PLIN2: variants seen among roughly 807,000 people sequenced by gnomAD.
The protein encoded by PLIN2 is perilipin 2, also known as perilipin-2.
A neutral mutation model predicts 30.6 loss-of-function variants in PLIN2; 33 were observed. That is an observed-to-expected ratio of 1.08 (90% CI 0.82 to 1.44). PLIN2 has a LOEUF of 1.44. PLIN2 is among the 40% of genes most tolerant of loss of function. PLIN2 has a pLI of 0.00. For missense variants in PLIN2, 610 were observed against 531.8 expected, an observed-to-expected ratio of 1.15 and a Z score of -1.45; for synonymous variants, 205 against 201.1, an observed-to-expected ratio of 1.02 and a Z score of -0.16.
intron 5 of PLIN2, 85 bp downstream of exon 5, chr9:19,120,795 A>T: frequency 1.8e-6 from 2 of 1,086,556 alleles, no homozygotes; most frequent in Non-Finnish European, 2.8e-6. Flanking sequence ...GTGTAAATTT[A>T]GACTCAAGAT....
At chr9:19,123,259 T>C (rs1818346398) in intron 4 of PLIN2, 2 of 1,159,470 alleles carry the variant, frequency 1.7e-6, no homozygotes, top group Non-Finnish European at 2.4e-6. Context: ...TCTGCATTTA[T>C]TTAATACCAC....
In PLIN2 at chr9:19,126,428, T is replaced by A. The variant is rs778385615; in HGVS notation, c.-2A>T. 26 of 1,611,836 alleles carry A rather than the reference T, an allele frequency of 1.6e-5. No homozygotes were observed. In the African/African-American group the frequency reaches 2.9e-4, roughly 18 times the overall value. ...TGGATCAACTGCAACGGATGCCATT[T>A]TTCTTCCTGGAGAAAGAAATCTGCA... On this transcript the variant is annotated 5_prime_UTR_variant, in exon 2 of 8. Coordinates refer to ENST00000276914, the MANE Select transcript of PLIN2 (RefSeq NM_001122.4).
chr9:19,118,567 T>G, intron 6 of PLIN2, 112 bp from the exon 7 acceptor site: 2 of 884,216 alleles, frequency 2.3e-6, no homozygotes, highest in Non-Finnish European at 3.4e-6. Context: ...TTTCCTGGAG[T>G]TGAATAAGAT....
intron 5 of PLIN2, among the ~76,000 whole-genome samples, chr9:19,120,661 A>G (rs918629931): frequency 1.2e-4 from 19 of 152,130 alleles, no homozygotes; most frequent in African/African-American, 4.3e-4. Flanking sequence ...CCTGGGCAAC[A>G]TAGTGAGATC....
At chr9:19,118,251 A>C (rs1588643511) in intron 7 of PLIN2, 70 bp downstream of exon 7, 2 of 1,425,816 alleles carry the variant, frequency 1.4e-6, no homozygotes, top group East Asian at 4.7e-5. Context: ...CATAGTATGG[A>C]AAAATTGAAA....
chr9:19,119,747 A>C lies in PLIN2; in HGVS notation c.680T>G (p.Leu227Arg). 1.2e-6 allele frequency: 2 copies of C among 1,612,450 alleles called. No individual in the cohort carries two copies. Among genetic ancestry groups the C allele is most frequent in the Non-Finnish European group, 1.7e-6 (2 of 1,178,714 alleles). ...YVRLGSLSTK[L>R]HSRAYQQALS... ...AGCCTGCTGGTAGGCACGGGAGTGA[A>C]GCTTGGTAGACAGGGATCCCAGTCT... Residue 227 changes from leucine (L) to arginine (R), a missense_variant, in exon 6 of 8, where the codon CTT (leucine) becomes CGT (arginine). Coordinates refer to ENST00000276914, the MANE Select transcript of PLIN2 (RefSeq NM_001122.4).
downstream of PLIN2, among the ~76,000 whole-genome samples, chr9:19,115,526 C>G (rs538912385): frequency 1.4e-4 from 22 of 152,146 alleles, no homozygotes; most frequent in African/African-American, 5.1e-4. Flanking sequence ...CCAGGATGGT[C>G]TCGATCTCCT....
rs900917865 is a variant in PLIN2, at chr9:19,122,195, G to A, written c.310-1030C>T. 2.0e-5 allele frequency among the ~76,000 whole-genome samples: 3 copies of A among 149,924 alleles called. No homozygotes were observed. The East Asian group carries it at 5.9e-4, about 29-fold the overall frequency. The stretch of plus-strand genomic sequence containing the variant: ...AAATGGAAAATAACTCTCACCATTA[G>A]CACAGTCTCAAGCAATGTAAGTGAA... On this transcript the variant is annotated intron_variant, in intron 4 of 7. Transcript: ENST00000276914.
downstream of PLIN2, among the ~76,000 whole-genome samples, chr9:19,112,389 G>C (rs1479594393): frequency 6.6e-6 from 1 of 152,090 alleles, no homozygotes; most frequent in Non-Finnish European, 1.5e-5. Context: ...TTTTCTGCCA[G>C]TTTATGCAAC....
At chr9:19,119,013 T>C (rs746061214) in intron 6 of PLIN2, among the ~76,000 whole-genome samples, 1 of 152,188 alleles carries the variant, frequency 6.6e-6, no homozygotes, top group Non-Finnish European at 1.5e-5. Flanking sequence ...ATTTAATGTG[T>C]ACATGAGTAA....
chr9:19,114,178 G>A (rs1818191454), downstream of PLIN2, among the ~76,000 whole-genome samples: 1 of 152,112 alleles, frequency 6.6e-6, no homozygotes, highest in African/African-American at 2.4e-5. Context: ...GCCTCCCAAA[G>A]TGCTGGGATT....
Position 19,123,781 on chromosome 9 carries a change from G to A in PLIN2, c.227-134C>T, listed in dbSNP as rs535639492. 23 of 670,544 alleles carry A rather than the reference G, an allele frequency of 3.4e-5. No individual in the cohort carries two copies. In the South Asian group the frequency reaches 4.3e-4, roughly 13 times the overall value. 41.5% of individuals were successfully genotyped at this position (670,544 alleles called of 1,614,324 possible). On this transcript the variant is annotated intron_variant, in intron 3 of 7. Transcript: ENST00000276914. ...CACGCCTGTAATCCCAGCACTTTGG[G>A]AGGCTGAGGCAGGCGGATCACGAGG...
chr9:19,117,925 C>G (rs761324102), intron 7 of PLIN2, among the ~76,000 whole-genome samples: 1 of 152,284 alleles, frequency 6.6e-6, no homozygotes, highest in Non-Finnish European at 1.5e-5. Context: ...CCAATAGTAC[C>G]TGTATTTATG....
downstream of PLIN2, among the ~76,000 whole-genome samples, chr9:19,114,106 G>C (rs1045579950): frequency 1.3e-5 from 2 of 151,812 alleles, no homozygotes; most frequent in Non-Finnish European, 2.9e-5. Context: ...GTAGAGACTG[G>C]GTTTTGCCCT....
At chr9:19,114,501 C>G (rs1446099869), downstream of PLIN2, among the ~76,000 whole-genome samples, 1 of 151,862 alleles carries the variant, frequency 6.6e-6, no homozygotes, top group Non-Finnish European at 1.5e-5. Flanking sequence ...ACCTCCCAGA[C>G]GCAGGGGATT....
In PLIN2 at chr9:19,118,335, A is replaced by G. The variant is rs1200393883; in HGVS notation, c.898T>C (p.Ser300Pro). Residue 300 changes from serine to proline, a missense_variant, in exon 7 of 8, where the codon TCC (serine) becomes CCC (proline). Ser to Pro is a moderately conservative substitution (Grantham distance 74, BLOSUM62 -1). Coordinates refer to ENST00000276914, the MANE Select transcript of PLIN2 (RefSeq NM_001122.4). Reference protein sequence around the residue: ...RSIGYDDTDESHCAEHIESRT... With the variant: ...RSIGYDDTDEPHCAEHIESRT... ...AGTCATCTTACCTCAGCACAGTGGG[A>G]CTCATCAGTATCATCATATCCAATG... 6.2e-7 allele frequency: 1 copy of G among 1,612,424 alleles called. No individual in the cohort carries two copies. The highest frequency in any genetic ancestry group is 1.1e-5 in the South Asian group (1 of 90,610).
chr9:19,117,734 C>A (rs1462983837), intron 7 of PLIN2, among the ~76,000 whole-genome samples: 1 of 151,946 alleles, frequency 6.6e-6, no homozygotes, highest in Non-Finnish European at 1.5e-5. Flanking sequence ...TCTCCTGCCT[C>A]AGCTGCCCGA....
intron 4 of PLIN2, among the ~76,000 whole-genome samples, 180 bp from the exon 5 acceptor site, chr9:19,121,345 T>C (rs565058884): frequency 6.6e-6 from 1 of 152,244 alleles, no homozygotes; most frequent in South Asian, 2.1e-4. Flanking sequence ...CTATCAAGTA[T>C]ATCTGCCCTA....
At position 19,126,126 on chromosome 9, in the gene PLIN2, G is replaced by A. The variant is rs149124591; in HGVS notation, c.214C>T (p.Leu72=). ...AATCAGAACTCACTTTGCGGCTCTAGCTTCTGGATGATGGGCAGAGCACTG... is the reference window on the plus strand; with the variant it reads ...AATCAGAACTCACTTTGCGGCTCTAACTTCTGGATGATGGGCAGAGCACTG... ...MTSALPIIQK[L]EPQIAVANTY... is the part of the protein sequence containing the mutation. The change falls in exon 3 of 8, where the codon CTA becomes TTA. Residue 72 remains leucine (L), a synonymous_variant. Coordinates refer to ENST00000276914, the MANE Select transcript of PLIN2 (RefSeq NM_001122.4). 2 of 1,613,852 alleles carry A rather than the reference G, an allele frequency of 1.2e-6. No homozygotes were observed. Among genetic ancestry groups the A allele is most frequent in the Non-Finnish European group, 1.7e-6 (2 of 1,179,798 alleles).
Sources: allele counts gnomAD v4.1 joint callset (sites outside exome capture counted in the v4.1 genomes callset), GRCh38; gene constraint gnomAD v4.1.1; transcripts MANE v1.5; gene names NCBI Gene and HGNC (gene_info 2026-07-23, HGNC 2026-07-21).